SH3RF3: variants seen among roughly 807,000 people sequenced by gnomAD.
SH3RF3 encodes the protein E3 ubiquitin-protein ligase SH3RF3.
In SH3RF3, 29 loss-of-function variants were observed where a neutral mutation model predicts 66.3. The ratio of observed to expected loss-of-function variants is 0.44; its 90% CI spans 0.33 to 0.60. The LOEUF is 0.60. Ranked by LOEUF, SH3RF3 falls within the 20% of genes least tolerant of loss-of-function variation. SH3RF3 has a pLI of 0.04. For missense variants in SH3RF3, 1,194 were observed against 1,190.9 expected (o/e 1.00, Z -0.04); for synonymous variants, 583 against 532.0 (o/e 1.10, Z -1.32).
intron 1 of SH3RF3, among the ~76,000 whole-genome samples, chr2:109,210,816 C>A (rs1678957758): frequency 6.6e-6 from 1 of 152,198 alleles, no homozygotes; most frequent in Non-Finnish European, 1.5e-5. Flanking sequence ...TGAGTCACTA[C>A]AAAATGTAGC....
At chr2:109,370,014 C>T (rs1334176444) in intron 2 of SH3RF3, among the ~76,000 whole-genome samples, 3 of 152,226 alleles carry the variant, frequency 2.0e-5, no homozygotes, top group Non-Finnish European at 4.4e-5. Context: ...TCAAGTCACA[C>T]ATGGGCCAGC....
intron 4 of SH3RF3, 148 bp from the exon 5 acceptor site, chr2:109,419,391 G>A: frequency 5.2e-6 from 4 of 773,456 alleles, no homozygotes; most frequent in South Asian, 3.5e-5. Context: ...TCCCATGACA[G>A]TCCAGGTAGG....
At chr2:109,217,902 GC>G (rs2105134277) in intron 1 of SH3RF3, among the ~76,000 whole-genome samples, 1 of 152,286 alleles carries the variant, frequency 6.6e-6, no homozygotes, top group South Asian at 2.1e-4. Flanking sequence ...AAGGGAGCTG[GC>G]CCGGCTGTGG....
At chr2:109,187,277 G>C (rs138192262) in intron 1 of SH3RF3, among the ~76,000 whole-genome samples, 1 of 151,982 alleles carries the variant, frequency 6.6e-6, no homozygotes, top group African/African-American at 2.4e-5. Context: ...AAAACTCTTC[G>C]ATCTGATGTG....
intron 1 of SH3RF3, among the ~76,000 whole-genome samples, chr2:109,132,042 G>A (rs1226200807): frequency 6.6e-6 from 1 of 152,160 alleles, no homozygotes; most frequent in South Asian, 2.1e-4. Context: ...CAAAGATTTC[G>A]GCTGAAAATT....
At chr2:109,295,829 G>A (rs999707795) in intron 1 of SH3RF3, among the ~76,000 whole-genome samples, 3 of 152,170 alleles carry the variant, frequency 2.0e-5, no homozygotes, top group Non-Finnish European at 4.4e-5. Flanking sequence ...GGCACTCCCT[G>A]CACGGGCATC....
At chr2:109,419,737 C>T in intron 5 of SH3RF3, 95 bp downstream of exon 5, 1 of 1,195,084 alleles carries the variant, frequency 8.4e-7, no homozygotes, top group Non-Finnish European at 1.2e-6. Context: ...CAGGGTTTTC[C>T]CATGTGTTAC....
At chr2:109,263,380 T>C (rs1440774970) in intron 1 of SH3RF3, among the ~76,000 whole-genome samples, 1 of 152,232 alleles carries the variant, frequency 6.6e-6, no homozygotes, top group Non-Finnish European at 1.5e-5. Context: ...TGTGTTTATT[T>C]TGTCTTTATT....
At position 109,419,544 on chromosome 2, in the gene SH3RF3, C is replaced by T; in HGVS notation, c.1305C>T (p.Val435=). The part of the protein sequence containing the change: ...HLSCAAPTQD[V]SSSAGSTPTA... ...CCCCTCTTGTCTGTTTCCAGGATGT[C>T]TCCTCCTCGGCGGGATCTACCCCCA... The change falls in exon 5 of 10, where the codon GTC becomes GTT. Residue 435 remains valine, a synonymous_variant. Coordinates refer to ENST00000309415, the MANE Select transcript of SH3RF3 (RefSeq NM_001099289.3). 6.3e-7 allele frequency: 1 copy of T among 1,594,188 alleles called. No individual in the cohort carries two copies.
intron 3 of SH3RF3, among the ~76,000 whole-genome samples, chr2:109,394,094 T>C (rs952765857): frequency 2.6e-5 from 4 of 152,144 alleles, no homozygotes. Flanking sequence ...TAAAGAGCAC[T>C]CTAAACCAAG....
Position 109,129,969 on chromosome 2 carries a change from G to T in SH3RF3, c.429G>T (p.Gln143His). The T allele has an allele frequency of 7.1e-7, 1 of 1,406,182 alleles. No homozygotes were observed. The highest frequency in any genetic ancestry group is 1.5e-5 in the South Asian group (1 of 65,526). The allele number at this position is 1,406,182 out of a possible 1,614,324, so 87.1% of individuals were successfully genotyped here. A position where few individuals can be genotyped will look rare whatever the true frequency, so the allele number is the denominator to read the frequency against. ...CGCCCGCGCGTCCCATCCCAGGCCA[G>T]AGTGCGGCCCCCACGCTCGCGGGCG... Reference protein sequence around the residue: ...GSPPARPIPGQSAAPTLAGGG... With the variant: ...GSPPARPIPGHSAAPTLAGGG... Residue 143 changes from glutamine (Q) to histidine (H), a missense_variant, in exon 1 of 10, where the codon CAG becomes CAT. Coordinates refer to ENST00000309415, the MANE Select transcript of SH3RF3 (RefSeq NM_001099289.3).
intron 1 of SH3RF3, among the ~76,000 whole-genome samples, chr2:109,136,178 AT>A (rs1676810575): frequency 6.6e-6 from 1 of 152,060 alleles, no homozygotes; most frequent in South Asian, 2.1e-4. Context: ...TTTGATCTGT[AT>A]TTAATCTCTA....
chr2:109,205,476 C>T (rs1279767114), intron 1 of SH3RF3, among the ~76,000 whole-genome samples: 1 of 152,094 alleles, frequency 6.6e-6, no homozygotes, highest in Non-Finnish European at 1.5e-5. Context: ...TCTTGAACTC[C>T]TGACCTCAAG....
chr2:109,297,268 T>C (rs1473239302), intron 1 of SH3RF3, among the ~76,000 whole-genome samples: 1 of 152,122 alleles, frequency 6.6e-6, no homozygotes, highest in East Asian at 1.9e-4. Context: ...TCACTGTTAA[T>C]ACAAATGCTG....
intron 1 of SH3RF3, chr2:109,141,555 T>G (rs1273375439): frequency 6.5e-6 from 1 of 154,864 alleles, no homozygotes; most frequent in Admixed American, 6.5e-5. Flanking sequence ...GACCAATTCT[T>G]TACAGGTGTA....
intron 1 of SH3RF3, among the ~76,000 whole-genome samples, chr2:109,134,108 T>G (rs1375448786): frequency 6.6e-6 from 1 of 152,236 alleles, no homozygotes; most frequent in Non-Finnish European, 1.5e-5. Flanking sequence ...TGCTGCATGC[T>G]GGGCACTTTG....
chr2:109,249,506 TTTCA>T (rs577408515), intron 1 of SH3RF3, among the ~76,000 whole-genome samples: 10,491 of 69,364 alleles, frequency 0.15, 849 homozygotes, highest in African/African-American at 0.19. Context: ...TCTTTCTTTC[TTTCA>T]TTCTTTCTTT....
chr2:109,202,142 C>T (rs951803682), intron 1 of SH3RF3, among the ~76,000 whole-genome samples: 20 of 152,298 alleles, frequency 1.3e-4, no homozygotes, highest in Admixed American at 9.1e-4. Flanking sequence ...AGCATATGGA[C>T]GCACTTACAG....
intron 4 of SH3RF3, among the ~76,000 whole-genome samples, chr2:109,408,982 T>A (rs1364980282): frequency 1.3e-5 from 2 of 152,180 alleles, no homozygotes; most frequent in Non-Finnish European, 2.9e-5. Context: ...GCAAGATAGG[T>A]TGCTTCTTAG....
Sources: gnomAD v4.1 joint callset for allele counts (sites outside exome capture counted in the v4.1 genomes callset) on GRCh38, gnomAD v4.1.1 for gene constraint, MANE v1.5 for transcripts, NCBI Gene and HGNC (gene_info 2026-07-23, HGNC 2026-07-21) for gene names.